Variants in CSMD3 observed in about 807,000 individuals in gnomAD.
CSMD3 encodes the protein CUB and Sushi multiple domains 3.
Under a neutral mutation model 435.2 loss-of-function variants are expected in CSMD3, and 177 were observed. The observed-to-expected ratio is 0.41, with a 90% CI of 0.36 to 0.46. The LOEUF (loss-of-function observed/expected upper bound fraction) is 0.46. Among genes scored for constraint, CSMD3 ranks in the 20% least tolerant of loss-of-function variants. CSMD3 has a pLI of 0.34. For synonymous variants in CSMD3, 1,656 were observed against 1,520.5 expected (o/e 1.09, Z -2.07); for missense variants, 4,265 against 4,504.6 (o/e 0.95, Z 1.52).
At chr8:112,832,304 A>T (rs554320377) in intron 11 of CSMD3, among the ~76,000 whole-genome samples, 4 of 152,154 alleles carry the variant, frequency 2.6e-5, no homozygotes, top group African/African-American at 9.7e-5. Context: ...ACCTATGAAA[A>T]TGACGGATTA....
rs546308942 is a variant in CSMD3, at chr8:112,677,017, T to C, written c.2677+5425A>G. On this transcript the variant is annotated intron_variant, in intron 16 of 70. Transcript: ENST00000297405. ...TTCAAAATCAGTACATAATTTATTA[T>C]AACAAGGTGAAGAATTTATTCACCA... Among the ~76,000 whole-genome samples, 4 of 152,248 alleles carry C rather than the reference T, an allele frequency of 2.6e-5. 1 individual carries two copies. The Middle Eastern group carries it at 0.014, about 518-fold the overall frequency.
At chr8:113,329,204 A>AAAATAAATAAATAAAT (rs60369800) in intron 1 of CSMD3, among the ~76,000 whole-genome samples, 27,945 of 143,690 alleles carry the variant, frequency 0.19, 2,755 homozygotes, top group Middle Eastern at 0.26. Flanking sequence ...TTAAAGAATG[A>AAAATAAATAAATAAAT]AAATAAATAA....
intron 22 of CSMD3, among the ~76,000 whole-genome samples, chr8:112,588,411 G>A (rs981712031): frequency 2.0e-5 from 3 of 151,288 alleles, no homozygotes; most frequent in African/African-American, 7.3e-5. Flanking sequence ...CTAATGTTAT[G>A]GTACTAATAG....
chr8:112,232,532 C>T (rs917137509), intron 68 of CSMD3, among the ~76,000 whole-genome samples: 4 of 152,078 alleles, frequency 2.6e-5, no homozygotes, highest in Admixed American at 6.5e-5. Flanking sequence ...TCGCTTGAAC[C>T]TGGGAGGTAG....
chr8:112,341,110 A>G (rs367881699), intron 42 of CSMD3, among the ~76,000 whole-genome samples: 1 of 152,112 alleles, frequency 6.6e-6, no homozygotes, highest in Non-Finnish European at 1.5e-5. Context: ...AATACAACAC[A>G]TGAATAATAC....
intron 3 of CSMD3, among the ~76,000 whole-genome samples, chr8:113,176,824 T>C (rs575113306): frequency 6.6e-6 from 1 of 151,682 alleles, no homozygotes; most frequent in Admixed American, 6.6e-5. Context: ...TGGGTTGTTA[T>C]GTGCAGCAAA....
chr8:112,629,683 G>A lies in CSMD3; in HGVS notation c.3715+7134C>T, dbSNP rs1417291441. Reference sequence around the variant, plus strand: ...TAAGAAATTGTGACTTTATCCAGTGGGCAATGTCAAACTTAGTGTTTTACG... The same window carrying A: ...TAAGAAATTGTGACTTTATCCAGTGAGCAATGTCAAACTTAGTGTTTTACG... On this transcript the variant is annotated intron_variant, in intron 22 of 70. Coordinates refer to ENST00000297405, the MANE Select transcript of CSMD3 (RefSeq NM_198123.2). Among the ~76,000 whole-genome samples the A allele has an allele frequency of 2.6e-5, 4 of 152,198 alleles. No individual in the cohort carries two copies. The East Asian group carries it at 7.7e-4, about 29-fold the overall frequency.
chr8:113,112,389 ATATAT>A (rs2090671494), intron 4 of CSMD3, among the ~76,000 whole-genome samples: 5 of 148 alleles, frequency 0.034, no homozygotes, highest in South Asian at 0.25. Flanking sequence ...AATAAAACAT[ATATAT>A]ATATATATAT....
At chr8:112,998,014 C>G (rs1036706829) in intron 6 of CSMD3, among the ~76,000 whole-genome samples, 3 of 151,326 alleles carry the variant, frequency 2.0e-5, no homozygotes, top group Non-Finnish European at 4.4e-5. Flanking sequence ...TTACTTTGAG[C>G]CCTACTCATG....
At chr8:112,545,266 A>G (rs966482960) in intron 27 of CSMD3, among the ~76,000 whole-genome samples, 2 of 151,804 alleles carry the variant, frequency 1.3e-5, no homozygotes, top group Admixed American at 6.6e-5. Flanking sequence ...GGCGGATCAC[A>G]AGGTCAGGAG....
intron 6 of CSMD3, among the ~76,000 whole-genome samples, chr8:113,001,793 G>C (rs2085873773): frequency 6.6e-6 from 1 of 152,084 alleles, no homozygotes; most frequent in Admixed American, 6.6e-5. Context: ...AGGACCTGCT[G>C]TAAGTCATTT....
At chr8:113,347,398 G>A (rs1414690648) in intron 1 of CSMD3, among the ~76,000 whole-genome samples, 1 of 152,076 alleles carries the variant, frequency 6.6e-6, no homozygotes, top group Non-Finnish European at 1.5e-5. Context: ...TACTTTAGAA[G>A]GAATAATACA....
intron 38 of CSMD3, among the ~76,000 whole-genome samples, chr8:112,354,646 G>A (rs1826423856): frequency 6.6e-6 from 1 of 151,934 alleles, no homozygotes; most frequent in African/African-American, 2.4e-5. Flanking sequence ...TTATTAAGGA[G>A]GTAAAAGATC....
chr8:113,167,167 C>T (rs1407646611), intron 4 of CSMD3, among the ~76,000 whole-genome samples: 1 of 151,968 alleles, frequency 6.6e-6, no homozygotes, highest in African/African-American at 2.4e-5. Flanking sequence ...AACCCAGGCA[C>T]ATGTTTAACT....
rs555125064 is a variant in CSMD3 at position 112,904,767 on chromosome 8, T to A, written c.1633+16860A>T. 2.6e-5 allele frequency among the ~76,000 whole-genome samples: 4 copies of A among 151,486 alleles called. No homozygotes were observed. In the South Asian group the frequency reaches 8.3e-4, roughly 31 times the overall value. On this transcript the variant is annotated intron_variant, in intron 10 of 70. Transcript: ENST00000297405. ...TTTAGATGATAGAATTGCCCTAGAT[T>A]TTCATCTTGTGAGCCAAGGCAATAG... is the stretch of plus-strand genomic sequence containing the variant.
chr8:113,098,285 T>G (rs1436990167), intron 5 of CSMD3, among the ~76,000 whole-genome samples: 3 of 152,028 alleles, frequency 2.0e-5, no homozygotes, highest in African/African-American at 7.2e-5. Context: ...CATTTTACTT[T>G]AAAAATATTA....
At chr8:112,639,384 C>T (rs1003492006) in intron 20 of CSMD3, among the ~76,000 whole-genome samples, 2 of 152,112 alleles carry the variant, frequency 1.3e-5, no homozygotes, top group Non-Finnish European at 2.9e-5. Flanking sequence ...GGAATGCTAT[C>T]TGTTAGATGA....
At chr8:113,170,201 G>A (rs763389146) in intron 4 of CSMD3, among the ~76,000 whole-genome samples, 1 of 152,088 alleles carries the variant, frequency 6.6e-6, no homozygotes, top group Non-Finnish European at 1.5e-5. Flanking sequence ...GCAGAGGGAA[G>A]GCATGAACTG....
chr8:113,073,329 A>G (rs2089206492), intron 5 of CSMD3, among the ~76,000 whole-genome samples: 1 of 151,798 alleles, frequency 6.6e-6, no homozygotes, highest in South Asian at 2.1e-4. Context: ...AAAATTACAA[A>G]CAGTTTTGAA....
Sources: gnomAD v4.1 joint callset for allele counts (sites outside exome capture counted in the v4.1 genomes callset) on GRCh38, gnomAD v4.1.1 for gene constraint, MANE v1.5 for transcripts, NCBI Gene and HGNC (gene_info 2026-07-23, HGNC 2026-07-21) for gene names.